Variants in EPHB1 observed in about 807,000 individuals in gnomAD.
EPHB1 encodes ephrin type-B receptor 1.
A neutral mutation model predicts 94.4 loss-of-function variants in EPHB1; 30 were observed. The observed-to-expected ratio is 0.32, with a 90% CI of 0.24 to 0.43. The LOEUF (loss-of-function observed/expected upper bound fraction) is 0.43. Ranked by LOEUF, EPHB1 falls within the 20% of genes least tolerant of loss-of-function variation. EPHB1 has a pLI of 1.00. For synonymous variants in EPHB1, 522 were observed against 489.1 expected, an observed-to-expected ratio of 1.07 and a Z score of -0.89; for missense variants, 1,055 against 1,308.3, an observed-to-expected ratio of 0.81 and a Z score of 2.99.
intron 10 of EPHB1, among the ~76,000 whole-genome samples, chr3:135,188,336 A>G (rs552609844): frequency 6.6e-6 from 1 of 151,810 alleles, no homozygotes; most frequent in African/African-American, 2.4e-5. Context: ...CTCTACTAAA[A>G]ATACAAAAAT....
intron 3 of EPHB1, among the ~76,000 whole-genome samples, chr3:135,022,825 C>T (rs920060019): frequency 6.6e-6 from 1 of 152,172 alleles, no homozygotes; most frequent in Non-Finnish European, 1.5e-5. Context: ...TCCTCATTCT[C>T]AAATTCTTCA....
chr3:135,104,280 G>C (rs1939131431), intron 3 of EPHB1, among the ~76,000 whole-genome samples: 1 of 152,216 alleles, frequency 6.6e-6, no homozygotes, highest in South Asian at 2.1e-4. Flanking sequence ...AAGAAGAAAA[G>C]GAAAGAGGGA....
At chr3:134,902,105 CTG>C (rs1411388259) in intron 1 of EPHB1, among the ~76,000 whole-genome samples, 1 of 152,052 alleles carries the variant, frequency 6.6e-6, no homozygotes, top group Admixed American at 6.5e-5. Flanking sequence ...TCCGACCTGT[CTG>C]TGAGATGAAG....
At chr3:134,864,585 A>G (rs2037333551) in intron 1 of EPHB1, among the ~76,000 whole-genome samples, 1 of 152,218 alleles carries the variant, frequency 6.6e-6, no homozygotes, top group South Asian at 2.1e-4. Context: ...GAGTAAAAAG[A>G]CATCAGTGAA....
In EPHB1 at chr3:135,166,992, A is replaced by G; in HGVS notation, c.1745A>G (p.Tyr582Cys). ...GTGTACAGCGATAAGCTCCAGCATT[A>G]CAGCACAGGCCGAGGTAAGTAGAAA... ...EAVYSDKLQH[Y>C]STGRGSPGMK... is the part of the protein sequence containing the mutation. Residue 582 changes from tyrosine (Y) to cysteine (C), a missense_variant, in exon 9 of 16, where the codon TAC becomes TGC. By Grantham distance (194) the Tyr-to-Cys change is radical. Coordinates refer to ENST00000398015, the MANE Select transcript of EPHB1 (RefSeq NM_004441.5). 6.2e-7 allele frequency: 1 copy of G among 1,614,172 alleles called. No homozygotes were observed. The highest frequency in any genetic ancestry group is 8.5e-7 in the Non-Finnish European group (1 of 1,180,008).
intron 3 of EPHB1, among the ~76,000 whole-genome samples, chr3:135,076,239 A>ATATATATG (rs1467229389): frequency 3.1e-5 from 1 of 32,346 alleles, no homozygotes; most frequent in African/African-American, 6.0e-5. Context: ...AAAGGGATAT[A>ATATATATG]TATATATATA....
chr3:134,896,698 A>G (rs1212740093), intron 1 of EPHB1, among the ~76,000 whole-genome samples: 1 of 152,212 alleles, frequency 6.6e-6, no homozygotes, highest in Non-Finnish European at 1.5e-5. Context: ...TTGGCTCATC[A>G]GGGATAATTC....
chr3:134,892,941 G>A (rs1276268449), intron 1 of EPHB1, among the ~76,000 whole-genome samples: 4 of 152,074 alleles, frequency 2.6e-5, no homozygotes, highest in Non-Finnish European at 4.4e-5. Flanking sequence ...CCATTTGCTC[G>A]GACTGGGTCA....
chr3:135,191,086 C>CA (rs199680823), intron 10 of EPHB1, among the ~76,000 whole-genome samples: 1,874 of 117,286 alleles, frequency 0.016, 33 homozygotes, highest in African/African-American at 0.056. Flanking sequence ...AAAAACAAAA[C>CA]AAAAAAAAAG....
chr3:135,199,624 G>A (rs1942705896), intron 11 of EPHB1, among the ~76,000 whole-genome samples: 2 of 152,152 alleles, frequency 1.3e-5, no homozygotes, highest in Non-Finnish European at 2.9e-5. Context: ...CAATATGTTT[G>A]GGGGCCCTTC....
intron 1 of EPHB1, among the ~76,000 whole-genome samples, chr3:134,805,999 G>A (rs1481243486): frequency 6.6e-6 from 1 of 152,110 alleles, no homozygotes; most frequent in Non-Finnish European, 1.5e-5. Flanking sequence ...CCAGCACATA[G>A]CACCCCCAGC....
intron 2 of EPHB1, among the ~76,000 whole-genome samples, chr3:134,948,002 C>T (rs964662579): frequency 2.4e-4 from 36 of 151,844 alleles, no homozygotes; most frequent in African/African-American, 8.7e-4. Flanking sequence ...TCTGTGTCAC[C>T]CATTCTGGTC....
chr3:135,127,264 G>A lies in EPHB1; in HGVS notation c.962-5450G>A, dbSNP rs570201556. On this transcript the variant is annotated intron_variant, in intron 4 of 15. Transcript: ENST00000398015. ...TTGCAACACGTGTTCACTTTTCTGG[G>A]GGAAAAGCTTTGTTGCTTTTATCAG... Among the ~76,000 whole-genome samples, 5 of 152,310 alleles carry A rather than the reference G, an allele frequency of 3.3e-5. No homozygotes were observed. In the South Asian group the frequency reaches 8.3e-4, roughly 25 times the overall value.
At chr3:134,798,516 C>G (rs1433260365) in intron 1 of EPHB1, among the ~76,000 whole-genome samples, 1 of 152,188 alleles carries the variant, frequency 6.6e-6, no homozygotes, top group African/African-American at 2.4e-5. Flanking sequence ...CAGTTCTGCT[C>G]TGTGAGGAGA....
Position 134,795,569 on chromosome 3 carries a change from A to T in EPHB1, c.-63A>T, listed in dbSNP as rs968778584. 7.2e-6 allele frequency: 11 copies of T among 1,523,234 alleles called. No individual in the cohort carries two copies. In the African/African-American group the frequency reaches 1.6e-4, roughly 22 times the overall value. 94.4% of individuals were successfully genotyped at this position (1,523,234 alleles called of 1,614,324 possible). On this transcript the variant is annotated 5_prime_UTR_variant, in exon 1 of 16. Coordinates refer to ENST00000398015, the MANE Select transcript of EPHB1 (RefSeq NM_004441.5). ...GCGGAGAGCGCAGCGGCGCCCTGGG[A>T]CGCGGCGCTCTCCCGGCGCTGCTGC...
intron 1 of EPHB1, among the ~76,000 whole-genome samples, chr3:134,858,010 A>G (rs564210917): frequency 1.5e-4 from 23 of 152,300 alleles, no homozygotes; most frequent in Admixed American, 5.2e-4. Context: ...GGGTGGTTTC[A>G]TGAAGCATGG....
At chr3:134,986,790 T>C (rs1306554402) in intron 3 of EPHB1, among the ~76,000 whole-genome samples, 1 of 151,648 alleles carries the variant, frequency 6.6e-6, no homozygotes, top group African/African-American at 2.4e-5. Context: ...TGGTGCATCA[T>C]TCATTAAAGG....
chr3:134,870,191 G>A (rs1373670606), intron 1 of EPHB1, among the ~76,000 whole-genome samples: 1 of 152,128 alleles, frequency 6.6e-6, no homozygotes, highest in African/African-American at 2.4e-5. Flanking sequence ...CCTTCCTGAG[G>A]TGAGCCAAAG....
chr3:135,115,413 C>T (rs1481474463), intron 4 of EPHB1, among the ~76,000 whole-genome samples: 1 of 152,160 alleles, frequency 6.6e-6, no homozygotes, highest in African/African-American at 2.4e-5. Flanking sequence ...GAGTGAGTGG[C>T]TGTGCGTCCT....
Sources: gnomAD v4.1 joint callset for allele counts (sites outside exome capture counted in the v4.1 genomes callset) on GRCh38, gnomAD v4.1.1 for gene constraint, MANE v1.5 for transcripts, NCBI Gene and HGNC (gene_info 2026-07-23, HGNC 2026-07-21) for gene names.